BRIX1: variants seen among roughly 807,000 people sequenced by gnomAD.
BRIX1 encodes the protein biogenesis of ribosomes BRX1.
Under a neutral mutation model 44.0 loss-of-function variants are expected in BRIX1, and 15 were observed. The ratio of observed to expected loss-of-function variants is 0.34; its 90% CI spans 0.23 to 0.53. The LOEUF is 0.53. Among genes scored for constraint, BRIX1 ranks in the 20% least tolerant of loss-of-function variants. The pLI is 0.95. For missense variants in BRIX1, 420 were observed against 432.8 expected (o/e 0.97, Z 0.26); for synonymous variants, 149 against 135.4 (o/e 1.10, Z -0.70).
chr5:34,918,561 T>A, intron 2 of BRIX1, 86 bp downstream of exon 2: 1 of 748,386 alleles, frequency 1.3e-6, no homozygotes, highest in Non-Finnish European at 2.0e-6. Context: ...ATTCTTCATT[T>A]GTTCAGTGTT....
chr5:34,916,029 T>A, intron 1 of BRIX1, 132 bp downstream of exon 1: 1 of 1,070,892 alleles, frequency 9.3e-7, no homozygotes, highest in Non-Finnish European at 1.3e-6. Flanking sequence ...GTTTTAGCAA[T>A]TCTCCCGGCC....
In BRIX1 at chr5:34,915,855, G is replaced by A. The variant is rs1244549266; in HGVS notation, c.117G>A (p.Val39=). The stretch of plus-strand genomic sequence containing the variant: ...AGCGGCACGCCACAGCAGAGGAGGT[G>A]GAGGAAGAAGAGAGGGACCGGATCC... ...PAKRHATAEE[V]EEEERDRIPG... Residue 39 remains valine, a synonymous_variant, in exon 1 of 10, where the codon GTG becomes GTA. Transcript: ENST00000336767. 5 of 1,565,170 alleles carry A rather than the reference G, an allele frequency of 3.2e-6. No homozygotes were observed. The East Asian group carries it at 9.5e-5, about 30-fold the overall frequency.
At chr5:34,916,655 C>T (rs903399413) in intron 1 of BRIX1, 5 of 152,232 alleles carry the variant, frequency 3.3e-5, no homozygotes, top group Admixed American at 1.3e-4. Context: ...AGACAGAATA[C>T]TGTGAACAAG....
At chr5:34,923,983 G>A (rs1764296715) in intron 8 of BRIX1, among the ~76,000 whole-genome samples, 1 of 152,192 alleles carries the variant, frequency 6.6e-6, no homozygotes, top group Admixed American at 6.5e-5. Flanking sequence ...TTTGTAGAAA[G>A]TGCTGTAAAG....
intron 1 of BRIX1, 181 bp downstream of exon 1, chr5:34,916,078 T>A (rs895292725): frequency 3.6e-5 from 23 of 633,058 alleles, no homozygotes; most frequent in Admixed American, 2.4e-4. Context: ...CTTGTGCACG[T>A]GGCCGTCTTC....
chr5:34,924,819 A>G (rs1371030307), intron 8 of BRIX1, 28 bp from the exon 9 acceptor site: 1 of 1,558,560 alleles, frequency 6.4e-7, no homozygotes, highest in South Asian at 1.1e-5. Context: ...TAACCAAACC[A>G]AAATGAAATG....
At position 34,915,731 on chromosome 5, in the gene BRIX1, G is replaced by T; in HGVS notation, c.-8G>T. 6.3e-7 allele frequency: 1 copy of T among 1,596,004 alleles called. No individual in the cohort carries two copies. The highest frequency in any genetic ancestry group is 1.1e-5 in the South Asian group (1 of 88,734). ...AAAGGAGGCCAAGAGCGCGGGCGGC[G>T]AGGCAAGATGGCGGCAACCAAGAGG... On this transcript the variant is annotated 5_prime_UTR_variant, in exon 1 of 10. Transcript: ENST00000336767.
In BRIX1 at chr5:34,925,433, A is replaced by G. The variant is rs1276778827; in HGVS notation, c.1000A>G (p.Lys334Glu). The stretch of plus-strand genomic sequence containing the variant: ...AAAAGTTGATTTGAAAGCAAGAAAG[A>G]AACGGATTTACAAAAGGCAAAGAAA... Reference protein sequence around the residue: ...EPKVDLKARKKRIYKRQRKMK... With the variant: ...EPKVDLKARKERIYKRQRKMK... The change falls in exon 10 of 10, where the codon AAA becomes GAA. Residue 334 changes from lysine (K) to glutamate (E), a missense_variant. Coordinates refer to ENST00000336767, the MANE Select transcript of BRIX1 (RefSeq NM_018321.4). The G allele has an allele frequency of 6.2e-7, 1 of 1,613,980 alleles. No individual in the cohort carries two copies. Among genetic ancestry groups the G allele is most frequent in the Non-Finnish European group, 8.5e-7 (1 of 1,180,000 alleles).
intron 2 of BRIX1, chr5:34,918,967 A>G (rs1217490301): frequency 6.6e-6 from 1 of 151,780 alleles, no homozygotes; most frequent in Non-Finnish European, 1.5e-5. Flanking sequence ...CAAGAACAGT[A>G]TGGCCGGGCA....
chr5:34,922,418 T>C lies in BRIX1; in HGVS notation c.387-121T>C, dbSNP rs1764260749. ...AAGCAAACTTTTGATTTCACGAAAC[T>C]TGATACCTTTAAAGAAAATTAAATG... On this transcript the variant is annotated intron_variant, in intron 4 of 9. Coordinates refer to ENST00000336767, the MANE Select transcript of BRIX1 (RefSeq NM_018321.4). 4.8e-5 allele frequency: 43 copies of C among 895,276 alleles called. No homozygotes were observed. The South Asian group carries it at 6.5e-4, about 14-fold the overall frequency. 55.5% of individuals were successfully genotyped at this position (895,276 alleles called of 1,614,324 possible). A position where few individuals can be genotyped will look rare whatever the true frequency, so the allele number is the denominator to read the frequency against.
chr5:34,918,517 CT>C, intron 2 of BRIX1, 42 bp downstream of exon 2: 1 of 1,135,188 alleles, frequency 8.8e-7, no homozygotes, highest in Non-Finnish European at 1.2e-6. Flanking sequence ...TATCTATAAA[CT>C]TACCTATTTT....
In BRIX1 at chr5:34,925,341, C is replaced by G; in HGVS notation, c.908C>G (p.Thr303Ser). Reference protein sequence around the residue: ...EPKTLLPHDPTADVFVTPAEE... With the variant: ...EPKTLLPHDPSADVFVTPAEE... ...AAGACTCTTCTTCCACATGATCCCA[C>G]TGCAGATGTTTTTGTAACACCAGCT... The change falls in exon 10 of 10, where the codon ACT (threonine) becomes AGT (serine). Residue 303 changes from threonine to serine, a missense_variant. Coordinates refer to ENST00000336767, the MANE Select transcript of BRIX1 (RefSeq NM_018321.4). 1.2e-6 allele frequency: 2 copies of G among 1,613,912 alleles called. No individual in the cohort carries two copies.
intron 9 of BRIX1, 89 bp downstream of exon 9, chr5:34,925,064 G>A: frequency 6.6e-7 from 1 of 1,506,868 alleles, no homozygotes; most frequent in Non-Finnish European, 8.9e-7. Context: ...TTTATTACCT[G>A]TGAAACTGAA....
chr5:34,922,549 T>G lies in BRIX1; in HGVS notation c.397T>G (p.Ser133Ala). The change falls in exon 5 of 10, where the codon TCA becomes GCA. Residue 133 changes from serine to alanine, a missense_variant. Coordinates refer to ENST00000336767, the MANE Select transcript of BRIX1 (RefSeq NM_018321.4). ...CTCCATATCTTTCAGGCTTTCAAATTCACCTCACGGACCATCTGCTAAATT... is the reference window on the plus strand; with the variant it reads ...CTCCATATCTTTCAGGCTTTCAAATGCACCTCACGGACCATCTGCTAAATT... ...KQDLYMWLSN[S>A]PHGPSAKFLV... The G allele has an allele frequency of 6.2e-7, 1 of 1,607,658 alleles. No individual in the cohort carries two copies. The highest frequency in any genetic ancestry group is 8.5e-7 in the Non-Finnish European group (1 of 1,174,706).
chr5:34,925,202 C>T, intron 9 of BRIX1, 24 bp from the exon 10 acceptor site: 1 of 1,474,370 alleles, frequency 6.8e-7, no homozygotes. Flanking sequence ...TCAAAAGCAT[C>T]TAATCTTTTT....
intron 3 of BRIX1, chr5:34,921,878 G>A (rs1325886460): frequency 6.5e-6 from 1 of 154,610 alleles, no homozygotes; most frequent in Non-Finnish European, 1.4e-5. Flanking sequence ...TTGCACTCCA[G>A]CCTGGGCAAC....
intron 8 of BRIX1, among the ~76,000 whole-genome samples, chr5:34,924,116 A>G (rs530639460): frequency 6.6e-6 from 1 of 152,346 alleles, no homozygotes; most frequent in Admixed American, 6.5e-5. Flanking sequence ...CGGTTAGATG[A>G]TGAGTCACAC....
chr5:34,919,463 G>T (rs1334311637), intron 2 of BRIX1, among the ~76,000 whole-genome samples: 1 of 151,962 alleles, frequency 6.6e-6, no homozygotes, highest in Non-Finnish European at 1.5e-5. Flanking sequence ...CATAAAGTCA[G>T]TTTTCTTTGA....
chr5:34,919,329 C>G (rs1764189764), intron 2 of BRIX1, among the ~76,000 whole-genome samples: 1 of 146,998 alleles, frequency 6.8e-6, no homozygotes. Flanking sequence ...GCAGCGCCAT[C>G]ATATGGCTGT....
Sources: allele counts gnomAD v4.1 joint callset (sites outside exome capture counted in the v4.1 genomes callset), GRCh38; gene constraint gnomAD v4.1.1; transcripts MANE v1.5; gene names NCBI Gene and HGNC (gene_info 2026-07-23, HGNC 2026-07-21).